Variants in TAFA1 observed in about 807,000 individuals in gnomAD.
TAFA1 encodes TAFA chemokine like family member 1.
A neutral mutation model predicts 18.5 loss-of-function variants in TAFA1; 4 were observed. That is an observed-to-expected ratio of 0.22 (90% CI 0.11 to 0.49). The LOEUF (loss-of-function observed/expected upper bound fraction) is 0.49, where lower values mean the gene tolerates loss of function less well. TAFA1 is among the 20% of genes least tolerant of loss of function. The pLI is 0.98. For synonymous variants in TAFA1, 56 were observed against 55.2 expected, an observed-to-expected ratio of 1.01 and a Z score of -0.06; for missense variants, 147 against 169.0, an observed-to-expected ratio of 0.87 and a Z score of 0.72.
chr3:68,144,929 T>C (rs1477502764), intron 2 of TAFA1: 8 of 742,796 alleles, frequency 1.1e-5, no homozygotes, highest in Admixed American at 1.0e-4. Context: ...TCTTAGAGAG[T>C]TGTTGTGATG....
chr3:68,339,531 CTG>C (rs1256967540), intron 2 of TAFA1, among the ~76,000 whole-genome samples: 1 of 152,134 alleles, frequency 6.6e-6, no homozygotes, highest in African/African-American at 2.4e-5. Flanking sequence ...CAGAGGCAAT[CTG>C]TGTATTGAAA....
At chr3:68,058,281 T>C (rs1244668253) in intron 2 of TAFA1, among the ~76,000 whole-genome samples, 1 of 152,232 alleles carries the variant, frequency 6.6e-6, no homozygotes, top group Non-Finnish European at 1.5e-5. Flanking sequence ...GTATCTTATA[T>C]TGTTGTTATA....
chr3:68,339,537 A>T (rs1402649519), intron 2 of TAFA1, among the ~76,000 whole-genome samples: 2 of 152,238 alleles, frequency 1.3e-5, no homozygotes, highest in African/African-American at 4.8e-5. Flanking sequence ...CAATCTGTGT[A>T]TTGAAAAAGT....
chr3:68,127,167 C>T (rs2065473525), intron 2 of TAFA1, among the ~76,000 whole-genome samples: 6 of 152,094 alleles, frequency 3.9e-5, no homozygotes, highest in Admixed American at 3.9e-4. Context: ...TTATGGAGTT[C>T]CTGAGCAAGT....
rs10662237 is a variant in TAFA1, at chr3:68,168,144, C to CAAAAAAAAAAAAA, written c.118+161404_118+161416dup. 2.6e-5 allele frequency among the ~76,000 whole-genome samples: 3 copies of CAAAAAAAAAAAAA among 116,480 alleles called. 1 individual carries two copies. The highest frequency in any genetic ancestry group is 3.5e-5 in the Non-Finnish European group (2 of 57,590). 76.4% of individuals were successfully genotyped at this position (116,480 alleles called of 152,430 possible). On this transcript the variant is annotated intron_variant, in intron 2 of 4. Transcript: ENST00000478136. ...GTCCTAATAAGCTTCTTTTCAGATA[C>CAAAAAAAAAAAAA]AAAAAAAAAAAAAAAAGAAGGCTTG...
chr3:68,209,923 G>A (rs531091555), intron 2 of TAFA1, among the ~76,000 whole-genome samples: 1 of 151,946 alleles, frequency 6.6e-6, no homozygotes, highest in South Asian at 2.1e-4. Flanking sequence ...GAAATTGTGG[G>A]CCTATATTTT....
At chr3:68,023,257 G>C (rs1459388069) in intron 2 of TAFA1, among the ~76,000 whole-genome samples, 1 of 152,080 alleles carries the variant, frequency 6.6e-6, no homozygotes, top group Non-Finnish European at 1.5e-5. Context: ...CTTCTTTCTT[G>C]CTCACGCCAC....
Position 68,102,449 on chromosome 3 carries a change from A to G in TAFA1, c.118+95705A>G, listed in dbSNP as rs1398748802. Among the ~76,000 whole-genome samples, 7 of 152,310 alleles carry G rather than the reference A, an allele frequency of 4.6e-5. No individual in the cohort carries two copies. The East Asian group carries it at 9.6e-4, about 21-fold the overall frequency. ...TATATAGCAAGATTTTTACCCTACC[A>G]TAATTAATAGGGGAACCAAGTAGAA... On this transcript the variant is annotated intron_variant, in intron 2 of 4. Coordinates refer to ENST00000478136, the MANE Select transcript of TAFA1 (RefSeq NM_213609.4).
intron 3 of TAFA1, among the ~76,000 whole-genome samples, chr3:68,490,855 G>T (rs1005446817): frequency 1.3e-5 from 2 of 148,476 alleles, no homozygotes; most frequent in African/African-American, 4.9e-5. Context: ...TTTTTTGTGG[G>T]GGGGACAGGG....
intron 2 of TAFA1, among the ~76,000 whole-genome samples, chr3:68,343,495 A>G (rs939171610): frequency 3.3e-5 from 5 of 152,214 alleles, no homozygotes; most frequent in Non-Finnish European, 7.3e-5. Context: ...GTAGGTAAAG[A>G]TAATAAAGTA....
chr3:68,050,525 G>A (rs773890307), intron 2 of TAFA1, among the ~76,000 whole-genome samples: 22 of 152,100 alleles, frequency 1.4e-4, no homozygotes, highest in Admixed American at 6.6e-4. Flanking sequence ...GATTAAATGA[G>A]TTTGCTGATA....
chr3:68,231,117 C>G (rs2066865748), intron 2 of TAFA1, among the ~76,000 whole-genome samples: 1 of 151,912 alleles, frequency 6.6e-6, no homozygotes, highest in South Asian at 2.1e-4. Flanking sequence ...TGTATTTATA[C>G]AGGATATGCA....
intron 2 of TAFA1, among the ~76,000 whole-genome samples, chr3:68,378,693 C>A (rs894200289): frequency 6.6e-6 from 1 of 152,112 alleles, no homozygotes; most frequent in South Asian, 2.1e-4. Context: ...CAAATCTCAT[C>A]TCAAATTGTA....
intron 2 of TAFA1, among the ~76,000 whole-genome samples, chr3:68,028,518 A>G (rs1480882802): frequency 6.6e-6 from 1 of 152,062 alleles, no homozygotes; most frequent in Non-Finnish European, 1.5e-5. Context: ...TTTTTCTCTC[A>G]TGTTTCTGGA....
At position 68,480,019 on chromosome 3, in the gene TAFA1, G is replaced by A. The variant is rs563183170; in HGVS notation, c.260-58737G>A. ...TTCTCTCATTTGCATAATGAAATAC[G>A]TGGCCTAAAGCATTGGCTCTCAAAG... On this transcript the variant is annotated intron_variant, in intron 3 of 4. Coordinates refer to ENST00000478136, the MANE Select transcript of TAFA1 (RefSeq NM_213609.4). Among the ~76,000 whole-genome samples, 21 of 152,162 alleles carry A rather than the reference G, an allele frequency of 1.4e-4. No individual in the cohort carries two copies. In the South Asian group the frequency reaches 4.2e-3, roughly 30 times the overall value.
intron 1 of TAFA1, 169 bp from the exon 2 acceptor site, chr3:68,006,455 C>T: frequency 1.7e-6 from 1 of 572,018 alleles, no homozygotes; most frequent in Non-Finnish European, 3.2e-6. Context: ...CTGAAAAGGG[C>T]TTTCTCTCAA....
At chr3:68,512,357 G>A (rs1007107380) in intron 3 of TAFA1, among the ~76,000 whole-genome samples, 6 of 152,026 alleles carry the variant, frequency 3.9e-5, no homozygotes, top group African/African-American at 1.2e-4. Flanking sequence ...AGAATAATGA[G>A]CCTTTTAAAG....
At chr3:68,390,118 C>T (rs1272563437) in intron 2 of TAFA1, among the ~76,000 whole-genome samples, 4 of 152,142 alleles carry the variant, frequency 2.6e-5, no homozygotes, top group South Asian at 2.1e-4. Context: ...GAAATTCTCA[C>T]GGCCAGCACA....
chr3:68,482,270 G>A (rs559280595), intron 3 of TAFA1, among the ~76,000 whole-genome samples: 1 of 152,314 alleles, frequency 6.6e-6, no homozygotes, highest in East Asian at 1.9e-4. Context: ...GCCTCCCAAA[G>A]TGCTGGGATT....
Sources: allele counts gnomAD v4.1 joint callset (sites outside exome capture counted in the v4.1 genomes callset), GRCh38; gene constraint gnomAD v4.1.1; transcripts MANE v1.5; gene names NCBI Gene and HGNC (gene_info 2026-07-23, HGNC 2026-07-21).